The following KCNH7 variants were observed in gnomAD, a reference collection of about 807,000 sequenced individuals.
The protein encoded by KCNH7 is potassium voltage-gated channel subfamily H member 7.
Under a neutral mutation model 120.8 loss-of-function variants are expected in KCNH7, and 49 were observed. The observed-to-expected ratio is 0.41, with a 90% CI of 0.32 to 0.51. The LOEUF is 0.51. KCNH7 is among the 20% of genes least tolerant of loss of function. The pLI is 0.38. For synonymous variants in KCNH7, 547 were observed against 516.1 expected (o/e 1.06, Z -0.81); for missense variants, 1,097 against 1,446.6 (o/e 0.76, Z 3.92).
intron 9 of KCNH7, among the ~76,000 whole-genome samples, chr2:162,419,152 C>G (rs994543682): frequency 3.0e-4 from 45 of 151,282 alleles, no homozygotes; most frequent in African/African-American, 1.1e-3. Flanking sequence ...TCCTGCCTGT[C>G]TTTAAGAAAA....
chr2:162,388,613 A>T, intron 12 of KCNH7, among the ~76,000 whole-genome samples: 1 of 151,930 alleles, frequency 6.6e-6, no homozygotes, highest in Middle Eastern at 3.2e-3. Flanking sequence ...TTTCAAAGAC[A>T]TACCAAAGTA....
intron 2 of KCNH7, among the ~76,000 whole-genome samples, chr2:162,817,856 T>C (rs1342348629): frequency 6.6e-6 from 1 of 152,106 alleles, no homozygotes; most frequent in Non-Finnish European, 1.5e-5. Flanking sequence ...CATAAGCCTC[T>C]TACATCTGTT....
intron 3 of KCNH7, among the ~76,000 whole-genome samples, chr2:162,533,910 T>C (rs1044708531): frequency 2.0e-5 from 3 of 151,388 alleles, no homozygotes; most frequent in African/African-American, 7.3e-5. Context: ...TGAAAATTGA[T>C]CAAATAATAA....
chr2:162,809,874 CAG>C (rs1684675713), intron 2 of KCNH7, among the ~76,000 whole-genome samples: 1 of 151,142 alleles, frequency 6.6e-6, no homozygotes, highest in Non-Finnish European at 1.5e-5. Flanking sequence ...TTAAAGATTA[CAG>C]AATTCTTTTG....
At chr2:162,700,682 C>A (rs1190263892) in intron 2 of KCNH7, among the ~76,000 whole-genome samples, 2 of 152,166 alleles carry the variant, frequency 1.3e-5, no homozygotes, top group Non-Finnish European at 2.9e-5. Flanking sequence ...TTGAAGCTAA[C>A]AGAATCTGTT....
At chr2:162,710,259 G>A (rs1240028125) in intron 2 of KCNH7, among the ~76,000 whole-genome samples, 1 of 152,120 alleles carries the variant, frequency 6.6e-6, no homozygotes, top group Non-Finnish European at 1.5e-5. Flanking sequence ...AAATGAATGT[G>A]GGGAATGCCA....
intron 2 of KCNH7, among the ~76,000 whole-genome samples, chr2:162,594,973 G>C (rs1694328129): frequency 4.6e-5 from 7 of 152,006 alleles, no homozygotes; most frequent in Admixed American, 3.9e-4. Context: ...TCCCAGGGAT[G>C]CAAGGATGGT....
chr2:162,699,718 A>G (rs1429788274), intron 2 of KCNH7, among the ~76,000 whole-genome samples: 1 of 152,182 alleles, frequency 6.6e-6, no homozygotes, highest in African/African-American at 2.4e-5. Context: ...ATCATCAATA[A>G]TCACCTCTAA....
chr2:162,447,681 G>A (rs74420042), intron 6 of KCNH7, among the ~76,000 whole-genome samples: 3,337 of 152,138 alleles, frequency 0.022, 115 homozygotes, highest in African/African-American at 0.076. Flanking sequence ...TGTTATTTCT[G>A]TGTTTTTGGC....
chr2:162,537,803 C>A lies in KCNH7; in HGVS notation c.308-723G>T, dbSNP rs560274320. On this transcript the variant is annotated intron_variant, in intron 2 of 15. Coordinates refer to ENST00000332142, the MANE Select transcript of KCNH7 (RefSeq NM_033272.4). ...TAGAATTCTGTGGAAATGAAATAAA[C>A]AAAGGTATGACTCAGTTTGCAATCA... Among the ~76,000 whole-genome samples, 3 of 152,124 alleles carry A rather than the reference C, an allele frequency of 2.0e-5. No homozygotes were observed. The South Asian group carries it at 6.2e-4, about 32-fold the overall frequency.
At chr2:162,740,308 T>A (rs962489460) in intron 2 of KCNH7, among the ~76,000 whole-genome samples, 1 of 152,218 alleles carries the variant, frequency 6.6e-6, no homozygotes, top group Non-Finnish European at 1.5e-5. Flanking sequence ...TAGGTAAACC[T>A]GAGGCATTAG....
At chr2:162,467,107 C>T (rs1689334544) in intron 6 of KCNH7, among the ~76,000 whole-genome samples, 1 of 152,134 alleles carries the variant, frequency 6.6e-6, no homozygotes, top group Non-Finnish European at 1.5e-5. Flanking sequence ...AACCATACAG[C>T]CTGAAGGATT....
At chr2:162,428,458 G>A (rs186998783) in intron 8 of KCNH7, among the ~76,000 whole-genome samples, 2 of 151,890 alleles carry the variant, frequency 1.3e-5, no homozygotes, top group African/African-American at 2.4e-5. Context: ...CCCAGCATAT[G>A]GCTTGTCTAC....
intron 2 of KCNH7, among the ~76,000 whole-genome samples, chr2:162,803,672 C>T (rs1234272244): frequency 6.6e-6 from 1 of 151,724 alleles, no homozygotes; most frequent in African/African-American, 2.4e-5. Context: ...ATGAAAGAAT[C>T]ACCCCTGGAA....
At chr2:162,757,184 A>T (rs1447200989) in intron 2 of KCNH7, among the ~76,000 whole-genome samples, 1 of 152,182 alleles carries the variant, frequency 6.6e-6, no homozygotes, top group African/African-American at 2.4e-5. Context: ...GGAATAAAGT[A>T]CTGAGGTAAT....
At chr2:162,653,843 C>T (rs1445129168) in intron 2 of KCNH7, among the ~76,000 whole-genome samples, 7 of 152,076 alleles carry the variant, frequency 4.6e-5, no homozygotes, top group East Asian at 3.9e-4. Context: ...GAAATAAACC[C>T]ACACATTTAT....
At chr2:162,660,178 T>C (rs1684910583) in intron 2 of KCNH7, among the ~76,000 whole-genome samples, 1 of 152,160 alleles carries the variant, frequency 6.6e-6, no homozygotes, top group South Asian at 2.1e-4. Context: ...TGGATTTCAT[T>C]TGCTCTTCTT....
At chr2:162,572,373 C>T (rs1296814496) in intron 2 of KCNH7, among the ~76,000 whole-genome samples, 7 of 122,056 alleles carry the variant, frequency 5.7e-5, no homozygotes, top group Admixed American at 1.9e-4. Context: ...TTTAGAATGG[C>T]GATCATTAAA....
rs139255892 is a variant in KCNH7, at chr2:162,402,459, TAA to T, written c.2155-2020_2155-2019del. Among the ~76,000 whole-genome samples, 997 of 149,808 alleles carry T rather than the reference TAA, an allele frequency of 6.7e-3. 7 individuals carry two copies. Among genetic ancestry groups the T allele is most frequent in the African/African-American group, 0.023 (960 of 40,924 alleles). On this transcript the variant is annotated intron_variant, in intron 9 of 15. Coordinates refer to ENST00000332142, the MANE Select transcript of KCNH7 (RefSeq NM_033272.4). The stretch of plus-strand genomic sequence containing the variant: ...ACTCCAGTTTGGAGGTTGTATAGAA[TAA>T]AAATACCCTAGTTTACACAGGCCTC...
Sources: allele counts gnomAD v4.1 joint callset (sites outside exome capture counted in the v4.1 genomes callset), GRCh38; gene constraint gnomAD v4.1.1; transcripts MANE v1.5; gene names NCBI Gene and HGNC (gene_info 2026-07-23, HGNC 2026-07-21).